SLC25A13: variants seen among roughly 807,000 people sequenced by gnomAD.
SLC25A13 encodes the protein solute carrier family 25 member 13, also known as electrogenic aspartate/glutamate antiporter SLC25A13, mitochondrial.
In SLC25A13, 70 loss-of-function variants were observed where a neutral mutation model predicts 85.5. The ratio of observed to expected loss-of-function variants is 0.82; its 90% CI spans 0.68 to 1.00. The LOEUF (loss-of-function observed/expected upper bound fraction) is 1.00. SLC25A13 is among the 50% of genes least tolerant of loss of function. The pLI is 0.00. For synonymous variants in SLC25A13, 259 were observed against 288.7 expected (o/e 0.90, Z 1.04); for missense variants, 765 against 819.8 (o/e 0.93, Z 0.82).
At chr7:96,196,932 G>T (rs1407756362) in intron 5 of SLC25A13, among the ~76,000 whole-genome samples, 1 of 152,212 alleles carries the variant, frequency 6.6e-6, no homozygotes, top group African/African-American at 2.4e-5. Flanking sequence ...GTATTATGCA[G>T]CAGGCACTGC....
At chr7:96,274,074 C>T (rs553176208) in intron 3 of SLC25A13, among the ~76,000 whole-genome samples, 3 of 152,230 alleles carry the variant, frequency 2.0e-5, no homozygotes, top group South Asian at 2.1e-4. Context: ...AACCTTCTGC[C>T]GCTGGAACAG....
chr7:96,213,966 G>A (rs550671784), intron 4 of SLC25A13, among the ~76,000 whole-genome samples: 5 of 152,254 alleles, frequency 3.3e-5, no homozygotes, highest in African/African-American at 1.2e-4. Context: ...TTCAGTCTGT[G>A]CCAAACAAGC....
rs936302239 is a variant in SLC25A13, at chr7:96,131,668, A to T, written c.1591+75T>A. ...AAGAACTATCAGCAAAAAAATTTCA[A>T]TGTAGTAGCATGCAGCTAGGGAAGG... On this transcript the variant is annotated intron_variant, in intron 15 of 17. Coordinates refer to ENST00000265631, the MANE Select transcript of SLC25A13 (RefSeq NM_014251.3). 10 of 1,603,078 alleles carry T rather than the reference A, an allele frequency of 6.2e-6. No individual in the cohort carries two copies. The African/African-American group carries it at 1.3e-4, about 21-fold the overall frequency.
intron 2 of SLC25A13, among the ~76,000 whole-genome samples, chr7:96,295,881 G>A (rs1799328756): frequency 6.6e-6 from 1 of 150,936 alleles, no homozygotes; most frequent in South Asian, 2.1e-4. Flanking sequence ...TCATATATGT[G>A]TGTGTATATA....
At chr7:96,306,757 T>C in intron 1 of SLC25A13, 1 of 1,159,402 alleles carries the variant, frequency 8.6e-7, no homozygotes. Context: ...CCTCTGCATT[T>C]TGTTCTTTTT....
chr7:96,283,730 A>C (rs1361112851), intron 2 of SLC25A13: 2 of 252,802 alleles, frequency 7.9e-6, no homozygotes, highest in Non-Finnish European at 1.6e-5. Context: ...AGCCTGCTCC[A>C]CGCAGAGAAG....
intron 3 of SLC25A13, among the ~76,000 whole-genome samples, chr7:96,246,411 A>C (rs2116853010): frequency 6.6e-6 from 1 of 152,346 alleles, no homozygotes; most frequent in South Asian, 2.1e-4. Flanking sequence ...GAATCTCTGA[A>C]GCAAGGTAAT....
intron 4 of SLC25A13, among the ~76,000 whole-genome samples, chr7:96,233,394 G>C (rs937017894): frequency 6.6e-6 from 1 of 152,212 alleles, no homozygotes; most frequent in Non-Finnish European, 1.5e-5. Flanking sequence ...GGTTGCAGTG[G>C]TGCTAAGAGG....
chr7:96,201,690 G>A (rs1230831279), intron 5 of SLC25A13, among the ~76,000 whole-genome samples: 1 of 152,080 alleles, frequency 6.6e-6, no homozygotes, highest in Admixed American at 6.6e-5. Flanking sequence ...TACTACAAGC[G>A]ATTATTTTTT....
At chr7:96,286,721 C>T (rs1188052925) in intron 2 of SLC25A13, among the ~76,000 whole-genome samples, 1 of 152,204 alleles carries the variant, frequency 6.6e-6, no homozygotes, top group Non-Finnish European at 1.5e-5. Context: ...CACACCCAGT[C>T]CATGACACTG....
intron 4 of SLC25A13, among the ~76,000 whole-genome samples, chr7:96,215,972 T>C (rs1455343980): frequency 6.6e-6 from 1 of 151,842 alleles, no homozygotes; most frequent in Admixed American, 6.6e-5. Flanking sequence ...CTGGGCAACA[T>C]GGCAAAACCC....
intron 1 of SLC25A13, among the ~76,000 whole-genome samples, chr7:96,303,618 T>G (rs1045447675): frequency 6.6e-6 from 1 of 152,160 alleles, no homozygotes; most frequent in Non-Finnish European, 1.5e-5. Flanking sequence ...TGCCATCAAT[T>G]AGATGAAATT....
chr7:96,217,898 T>C (rs1795955228), intron 4 of SLC25A13, among the ~76,000 whole-genome samples: 1 of 125,360 alleles, frequency 8.0e-6, no homozygotes, highest in African/African-American at 3.3e-5. Flanking sequence ...CAAAGCTTTC[T>C]CTGAAAAAAA....
At chr7:96,126,263 G>C (rs944474977) in intron 15 of SLC25A13, among the ~76,000 whole-genome samples, 1 of 152,136 alleles carries the variant, frequency 6.6e-6, no homozygotes. Context: ...ACTTCACTTT[G>C]GGGGTAGAAG....
chr7:96,225,492 C>T (rs1313758401), intron 4 of SLC25A13, among the ~76,000 whole-genome samples: 1 of 151,114 alleles, frequency 6.6e-6, no homozygotes, highest in East Asian at 1.9e-4. Flanking sequence ...CTGCAGTGAA[C>T]CCAGATCACT....
chr7:96,165,271 G>A (rs1793696912), intron 13 of SLC25A13, among the ~76,000 whole-genome samples: 1 of 152,186 alleles, frequency 6.6e-6, no homozygotes, highest in African/African-American at 2.4e-5. Flanking sequence ...TGGGAAGGCA[G>A]GCTGATAGGT....
chr7:96,131,545 A>G (rs921969591), intron 15 of SLC25A13, among the ~76,000 whole-genome samples, 198 bp downstream of exon 15: 1 of 152,244 alleles, frequency 6.6e-6, no homozygotes, highest in Non-Finnish European at 1.5e-5. Context: ...TAAGAAATTA[A>G]GCTTGTCTAA....
At chr7:96,271,597 A>G (rs901351757) in intron 3 of SLC25A13, among the ~76,000 whole-genome samples, 2 of 152,224 alleles carry the variant, frequency 1.3e-5, no homozygotes, top group East Asian at 3.8e-4. Flanking sequence ...TTTTAGCTAC[A>G]AACTGCTTAA....
In SLC25A13 at chr7:96,321,996, T is replaced by TG; in HGVS notation, c.-41dup. ...GCGGGCGACTGCGGGACCCACTGAC[T>TG]GGCTGGCTGGCGTTTGGGACCCGGG... On this transcript the variant is annotated 5_prime_UTR_variant, in exon 1 of 18. Transcript: ENST00000265631. 1 of 1,534,084 alleles carries TG rather than the reference T, an allele frequency of 6.5e-7. No homozygotes were observed. The highest frequency in any genetic ancestry group is 1.2e-5 in the South Asian group (1 of 82,134).
Sources: allele counts gnomAD v4.1 joint callset (sites outside exome capture counted in the v4.1 genomes callset), GRCh38; gene constraint gnomAD v4.1.1; transcripts MANE v1.5; gene names NCBI Gene and HGNC (gene_info 2026-07-23, HGNC 2026-07-21).